The following PLPP4 variants were observed in gnomAD, a reference collection of about 807,000 sequenced individuals.
The protein encoded by PLPP4 is phospholipid phosphatase 4.
PLPP4 carries 20 observed loss-of-function variants against 32.2 expected under a neutral mutation model. The ratio of observed to expected loss-of-function variants is 0.62; its 90% CI spans 0.44 to 0.90. The LOEUF is 0.90. Ranked by LOEUF, PLPP4 falls within the 40% of genes least tolerant of loss-of-function variation. The pLI, the probability that PLPP4 is intolerant of heterozygous loss-of-function variation, is 0.00. For missense variants in PLPP4, 257 were observed against 353.1 expected, an observed-to-expected ratio of 0.73 and a Z score of 2.18; for synonymous variants, 127 against 133.0, an observed-to-expected ratio of 0.95 and a Z score of 0.31.
At chr10:120,516,264 T>C (rs1204451203) in intron 3 of PLPP4, among the ~76,000 whole-genome samples, 1 of 152,112 alleles carries the variant, frequency 6.6e-6, no homozygotes, top group Non-Finnish European at 1.5e-5. Flanking sequence ...GACCAGGAGG[T>C]TTAGTTCTTA....
intron 1 of PLPP4, among the ~76,000 whole-genome samples, chr10:120,497,246 A>G (rs1845013532): frequency 6.6e-6 from 1 of 152,118 alleles, no homozygotes; most frequent in South Asian, 2.1e-4. Context: ...TTTCTGTTAT[A>G]TTTCGCTTTC....
chr10:120,480,669 T>G (rs2133815853), intron 1 of PLPP4, among the ~76,000 whole-genome samples: 1 of 152,228 alleles, frequency 6.6e-6, no homozygotes, highest in African/African-American at 2.4e-5. Flanking sequence ...AGGTCCTGGG[T>G]TTCCTAAATG....
rs1381708101 is a variant in PLPP4 at position 120,585,792 on chromosome 10, GTTC to G, written c.617-3506_617-3504del. ...CCCAGGAGCCTCCAAATGGCCAACA[GTTC>G]TTCTCTTGGGAATGGATCTGCTGCC... On this transcript the variant is annotated intron_variant, in intron 6 of 6. Transcript: ENST00000398250. Among the ~76,000 whole-genome samples the G allele has an allele frequency of 4.6e-5, 7 of 152,274 alleles. No homozygotes were observed. The East Asian group carries it at 9.7e-4, about 21-fold the overall frequency.
chr10:120,576,595 C>A (rs2134059035), intron 6 of PLPP4, among the ~76,000 whole-genome samples: 1 of 152,310 alleles, frequency 6.6e-6, no homozygotes, highest in South Asian at 2.1e-4. Context: ...CCTGTGACCC[C>A]AGCAGGAGCT....
At chr10:120,472,555 C>T (rs1167967986) in intron 1 of PLPP4, among the ~76,000 whole-genome samples, 1 of 152,028 alleles carries the variant, frequency 6.6e-6, no homozygotes, top group Admixed American at 6.6e-5. Context: ...TGTGATGTGT[C>T]TAGGTTGGTC....
intron 5 of PLPP4, among the ~76,000 whole-genome samples, chr10:120,536,132 C>T (rs1208002060): frequency 1.3e-5 from 2 of 151,842 alleles, no homozygotes; most frequent in African/African-American, 4.8e-5. Context: ...TCTAGAGGTT[C>T]AATACAATCT....
intron 5 of PLPP4, among the ~76,000 whole-genome samples, chr10:120,564,676 T>G (rs1848604376): frequency 6.6e-6 from 1 of 151,950 alleles, no homozygotes; most frequent in South Asian, 2.1e-4. Flanking sequence ...AGAATTGTAA[T>G]ACTTCCTATT....
chr10:120,481,204 T>C (rs1844188700), intron 1 of PLPP4, among the ~76,000 whole-genome samples: 1 of 151,974 alleles, frequency 6.6e-6, no homozygotes, highest in African/African-American at 2.4e-5. Flanking sequence ...CATCCAGGAG[T>C]GGCAGCTTTC....
At chr10:120,512,881 C>T (rs1845788247) in intron 2 of PLPP4, among the ~76,000 whole-genome samples, 1 of 152,110 alleles carries the variant, frequency 6.6e-6, no homozygotes, top group Admixed American at 6.5e-5. Context: ...CAGGAAACCC[C>T]TCTCCAAAAA....
chr10:120,536,350 A>G (rs1456158700), intron 5 of PLPP4, among the ~76,000 whole-genome samples: 5 of 152,094 alleles, frequency 3.3e-5, no homozygotes, highest in South Asian at 2.1e-4. Context: ...AAACAGACCA[A>G]TGGAATAGAA....
At position 120,589,406 on chromosome 10, in the gene PLPP4, T is replaced by A; in HGVS notation, c.720T>A (p.Ser240Arg). The change falls in exon 7 of 7, where the codon AGT (serine) becomes AGA (arginine). Residue 240 changes from serine (S) to arginine (R), a missense_variant. Ser to Arg is a moderately radical substitution (Grantham distance 110). Coordinates refer to ENST00000398250, the MANE Select transcript of PLPP4 (RefSeq NM_001030059.3). The part of the protein sequence containing the change: ...ANTACHKPYV[S>R]LRVPASLKKE... The stretch of plus-strand genomic sequence containing the variant: ...CAGCTTGCCATAAACCCTACGTTAG[T>A]CTGCGAGTCCCAGCCTCACTGAAGA... 6.2e-7 allele frequency: 1 copy of A among 1,614,118 alleles called. No homozygotes were observed. The highest frequency in any genetic ancestry group is 8.5e-7 in the Non-Finnish European group (1 of 1,180,038).
At chr10:120,508,175 T>G (rs1845583939) in intron 2 of PLPP4, among the ~76,000 whole-genome samples, 1 of 152,142 alleles carries the variant, frequency 6.6e-6, no homozygotes, top group Non-Finnish European at 1.5e-5. Flanking sequence ...AGAAATAAAG[T>G]CATTTTGGGG....
intron 2 of PLPP4, among the ~76,000 whole-genome samples, chr10:120,508,231 T>C (rs544199459): frequency 8.4e-4 from 128 of 152,266 alleles, no homozygotes; most frequent in African/African-American, 2.9e-3. Flanking sequence ...TGATAGACAA[T>C]TTAATTTTTA....
chr10:120,457,175 C>G, upstream of PLPP4: 1 of 527,390 alleles, frequency 1.9e-6, no homozygotes, highest in Non-Finnish European at 2.7e-6. Flanking sequence ...GCCCGGCGCC[C>G]GCCTCCGCCC....
intron 5 of PLPP4, among the ~76,000 whole-genome samples, chr10:120,535,875 GT>G (rs2133947695): frequency 6.6e-6 from 1 of 152,088 alleles, no homozygotes; most frequent in South Asian, 2.1e-4. Context: ...ATTTTGTGTG[GT>G]TTTCTTTTAT....
chr10:120,569,325 G>T (rs1267892603), intron 5 of PLPP4, among the ~76,000 whole-genome samples: 1 of 151,800 alleles, frequency 6.6e-6, no homozygotes, highest in African/African-American at 2.4e-5. Context: ...CCTCCAGCCA[G>T]TTGACAAAAG....
intron 1 of PLPP4, among the ~76,000 whole-genome samples, chr10:120,495,795 G>A (rs1473118158): frequency 6.6e-6 from 1 of 152,104 alleles, no homozygotes; most frequent in Non-Finnish European, 1.5e-5. Flanking sequence ...AAAGAAGGTG[G>A]GGCAGCCTTC....
In PLPP4 at chr10:120,590,730, G is replaced by C. The variant is rs912292500; in HGVS notation, c.*1228G>C. Among the ~76,000 whole-genome samples the C allele has an allele frequency of 6.6e-6, 1 of 150,670 alleles. No homozygotes were observed. Among genetic ancestry groups the C allele is most frequent in the Non-Finnish European group, 1.5e-5 (1 of 67,894 alleles). The stretch of plus-strand genomic sequence containing the variant: ...GTTGTTCAGATTCCTGGGCCTGGGT[G>C]CTACGAGGTGATGCATCTTTGCTAT... On this transcript the variant is annotated 3_prime_UTR_variant, in exon 7 of 7. Transcript: ENST00000398250.
intron 2 of PLPP4, among the ~76,000 whole-genome samples, chr10:120,513,146 A>G (rs1845797428): frequency 6.6e-6 from 1 of 152,218 alleles, no homozygotes; most frequent in Non-Finnish European, 1.5e-5. Flanking sequence ...CAATATGGGA[A>G]TGGAAACCTT....
Sources: gnomAD v4.1 joint callset for allele counts (sites outside exome capture counted in the v4.1 genomes callset) on GRCh38, gnomAD v4.1.1 for gene constraint, MANE v1.5 for transcripts, NCBI Gene and HGNC (gene_info 2026-07-23, HGNC 2026-07-21) for gene names.